The following BMPR1B variants were observed in gnomAD, a reference collection of about 807,000 sequenced individuals.
BMPR1B encodes bone morphogenetic protein receptor type 1B, also known as bone morphogenetic protein receptor type-1B.
A neutral mutation model predicts 59.1 loss-of-function variants in BMPR1B; 12 were observed. That is an observed-to-expected ratio of 0.20 (90% CI 0.13 to 0.33). The LOEUF (loss-of-function observed/expected upper bound fraction) is 0.33, where lower values mean the gene tolerates loss of function less well. Among genes scored for constraint, BMPR1B ranks in the 10% least tolerant of loss-of-function variants. The probability of loss-of-function intolerance (pLI) is 1.00; values close to 1 mark genes in which losing one functional copy is unlikely to be tolerated. For synonymous variants in BMPR1B, 237 were observed against 207.3 expected (o/e 1.14, Z -1.23); for missense variants, 550 against 610.9 (o/e 0.90, Z 1.05).
chr4:94,913,436 TGCG>T (rs1235062427), intron 2 of BMPR1B, among the ~76,000 whole-genome samples: 1 of 152,208 alleles, frequency 6.6e-6, no homozygotes, highest in African/African-American at 2.4e-5. Flanking sequence ...TTGAAACTAT[TGCG>T]GTAAACAGGA....
Position 95,154,794 on chromosome 4 carries a change from A to G in BMPR1B, c.*121A>G, listed in dbSNP as rs534581040. The G allele has an allele frequency of 2.9e-5, 42 of 1,443,498 alleles. No individual in the cohort carries two copies. The African/African-American group carries it at 4.5e-4, about 15-fold the overall frequency. 89.4% of individuals were successfully genotyped at this position (1,443,498 alleles called of 1,614,324 possible). ...AGCCTTGAACATCGTCCTGCTTCCC[A>G]GTGGGTTCAGACCTCACCTCTCAGG... On this transcript the variant is annotated 3_prime_UTR_variant, in exon 13 of 13. Transcript: ENST00000515059.
intron 3 of BMPR1B, among the ~76,000 whole-genome samples, chr4:95,096,850 A>T (rs923501906): frequency 1.4e-4 from 20 of 141,924 alleles, no homozygotes; most frequent in Non-Finnish European, 2.1e-4. Context: ...ATATATAGGT[A>T]TATAAATATA....
chr4:94,882,906 C>T (rs942801723), intron 2 of BMPR1B, among the ~76,000 whole-genome samples: 2 of 151,994 alleles, frequency 1.3e-5, no homozygotes, highest in Admixed American at 6.6e-5. Flanking sequence ...GAGGTAGGAT[C>T]AGAACTAGCC....
intron 2 of BMPR1B, among the ~76,000 whole-genome samples, chr4:94,978,644 A>G (rs534955099): frequency 4.6e-5 from 7 of 152,304 alleles, no homozygotes; most frequent in African/African-American, 9.6e-5. Context: ...CACATTTGTC[A>G]TAGACATAAG....
At chr4:94,908,284 G>A (rs994964683) in intron 2 of BMPR1B, among the ~76,000 whole-genome samples, 1 of 151,240 alleles carries the variant, frequency 6.6e-6, no homozygotes, top group African/African-American at 2.4e-5. Context: ...TAACATATTA[G>A]TTAGTGTGTA....
At chr4:94,813,369 A>G (rs921451747) in intron 1 of BMPR1B, among the ~76,000 whole-genome samples, 5 of 152,168 alleles carry the variant, frequency 3.3e-5, no homozygotes, top group African/African-American at 1.2e-4. Context: ...GAAGATAGTG[A>G]GGAAACCAGC....
chr4:94,945,006 A>G (rs1729656060), intron 2 of BMPR1B, among the ~76,000 whole-genome samples: 1 of 152,208 alleles, frequency 6.6e-6, no homozygotes, highest in East Asian at 1.9e-4. Flanking sequence ...TTCTTAACAA[A>G]TGAAGCCAAA....
intron 2 of BMPR1B, among the ~76,000 whole-genome samples, chr4:94,892,324 T>C (rs1453638598): frequency 6.6e-6 from 1 of 152,022 alleles, no homozygotes; most frequent in African/African-American, 2.4e-5. Context: ...CCACTGAATC[T>C]GAATCTACCT....
chr4:94,970,370 T>C (rs1278301989), intron 2 of BMPR1B, among the ~76,000 whole-genome samples: 3 of 151,586 alleles, frequency 2.0e-5, no homozygotes, highest in African/African-American at 7.3e-5. Flanking sequence ...GGCTGGAGTG[T>C]GGTGGCACGA....
At chr4:95,089,159 T>C (rs1175010029) in intron 3 of BMPR1B, among the ~76,000 whole-genome samples, 1 of 152,276 alleles carries the variant, frequency 6.6e-6, no homozygotes, top group East Asian at 1.9e-4. Context: ...AGATAATATA[T>C]CCAACTTCTT....
chr4:95,085,722 G>A (rs1323143572), intron 3 of BMPR1B, among the ~76,000 whole-genome samples: 2 of 152,132 alleles, frequency 1.3e-5, no homozygotes, highest in Non-Finnish European at 2.9e-5. Flanking sequence ...ATGTTGCAGC[G>A]GAAGTTGAGA....
chr4:95,144,299 C>G (rs1331627286), intron 10 of BMPR1B, among the ~76,000 whole-genome samples: 1 of 152,098 alleles, frequency 6.6e-6, no homozygotes, highest in Non-Finnish European at 1.5e-5. Flanking sequence ...TTCAGCCTCG[C>G]AAGTAGCTGG....
At chr4:95,056,038 A>G (rs957508822) in intron 3 of BMPR1B, among the ~76,000 whole-genome samples, 6 of 152,168 alleles carry the variant, frequency 3.9e-5, no homozygotes, top group Admixed American at 3.3e-4. Flanking sequence ...ATGCATATCT[A>G]TTTTTAGAAT....
intron 6 of BMPR1B, among the ~76,000 whole-genome samples, chr4:95,119,288 T>C (rs1057504575): frequency 3.3e-5 from 5 of 152,196 alleles, no homozygotes; most frequent in Admixed American, 6.5e-5. Context: ...CGTATTTGTG[T>C]GTTACAGTGT....
At chr4:94,890,546 G>T (rs555425977) in intron 2 of BMPR1B, among the ~76,000 whole-genome samples, 23 of 152,240 alleles carry the variant, frequency 1.5e-4, no homozygotes, top group African/African-American at 4.8e-4. Flanking sequence ...AATCAGAGAA[G>T]TTGTACTAGT....
At chr4:94,885,652 C>G (rs946898931) in intron 2 of BMPR1B, among the ~76,000 whole-genome samples, 2 of 152,090 alleles carry the variant, frequency 1.3e-5, no homozygotes, top group Non-Finnish European at 2.9e-5. Flanking sequence ...AAGGACATGA[C>G]TTCCATTTCT....
At chr4:94,787,640 C>T (rs940635276) in intron 1 of BMPR1B, among the ~76,000 whole-genome samples, 17 of 152,164 alleles carry the variant, frequency 1.1e-4, no homozygotes, top group African/African-American at 3.9e-4. Flanking sequence ...GGTTTAACCA[C>T]GTCTTTGGTT....
chr4:94,840,713 C>T lies in BMPR1B; in HGVS notation c.-182-35118C>T, dbSNP rs1397420930. On this transcript the variant is annotated intron_variant, in intron 1 of 12. Transcript: ENST00000515059. ...CTTCTTTGTCTTTGGTTTGAATGTC[C>T]TCCCGTAGCTCAGAGTAATTTGATC... 1.4e-5 allele frequency among the ~76,000 whole-genome samples: 2 copies of T among 147,484 alleles called. 1 individual carries two copies. The highest frequency in any genetic ancestry group is 5.0e-5 in the African/African-American group (2 of 39,822).
In BMPR1B at chr4:95,125,097, A is replaced by G. The variant is rs752007054; in HGVS notation, c.561A>G (p.Gly187=). ...RDLIEQSQSS[G]SGSGLPLLVQ... is the part of the protein sequence containing the mutation. Reference sequence around the variant, plus strand: ...TAATTGAGCAGTCTCAGAGCTCAGGAAGTGGATCAGGCCTCCCTCTGCTGG... The same window carrying G: ...TAATTGAGCAGTCTCAGAGCTCAGGGAGTGGATCAGGCCTCCCTCTGCTGG... Residue 187 remains glycine, a synonymous_variant, in exon 8 of 13, where the codon GGA becomes GGG. Transcript: ENST00000515059. 1.9e-6 allele frequency: 3 copies of G among 1,613,852 alleles called. No individual in the cohort carries two copies. Among genetic ancestry groups the G allele is most frequent in the Admixed American group, 1.7e-5 (1 of 59,954 alleles).
Sources: gnomAD v4.1 joint callset for allele counts (sites outside exome capture counted in the v4.1 genomes callset) on GRCh38, gnomAD v4.1.1 for gene constraint, MANE v1.5 for transcripts, NCBI Gene and HGNC (gene_info 2026-07-23, HGNC 2026-07-21) for gene names.